GRM8: variants seen among roughly 807,000 people sequenced by gnomAD.
GRM8 encodes glutamate metabotropic receptor 8.
GRM8 carries 47 observed loss-of-function variants against 87.2 expected under a neutral mutation model. The observed-to-expected ratio is 0.54, with a 90% CI of 0.43 to 0.69. The LOEUF (loss-of-function observed/expected upper bound fraction) is 0.69, where lower values mean the gene tolerates loss of function less well. Among genes scored for constraint, GRM8 ranks in the 30% least tolerant of loss-of-function variants. The probability of loss-of-function intolerance (pLI) is 0.00; values close to 1 mark genes in which losing one functional copy is unlikely to be tolerated. For missense variants in GRM8, 1,019 were observed against 1,139.2 expected, an observed-to-expected ratio of 0.89 and a Z score of 1.52; for synonymous variants, 396 against 404.5, an observed-to-expected ratio of 0.98 and a Z score of 0.25.
chr7:126,528,084 G>C (rs1240341124), intron 9 of GRM8, among the ~76,000 whole-genome samples: 1 of 152,098 alleles, frequency 6.6e-6, no homozygotes, highest in Non-Finnish European at 1.5e-5. Context: ...TGTGCCTGTA[G>C]TCCCAGTTAC....
intron 2 of GRM8, among the ~76,000 whole-genome samples, chr7:127,126,891 C>G (rs1174443662): frequency 1.3e-5 from 2 of 151,776 alleles, no homozygotes; most frequent in Non-Finnish European, 2.9e-5. Context: ...CATAACAATA[C>G]AAACAGTCCA....
intron 2 of GRM8, among the ~76,000 whole-genome samples, chr7:127,110,800 C>A (rs1826277418): frequency 1.3e-5 from 2 of 152,198 alleles, no homozygotes; most frequent in Admixed American, 6.5e-5. Flanking sequence ...CCTTTACTGA[C>A]TTTCCCCAAC....
At chr7:126,487,380 T>A (rs970370848) in intron 9 of GRM8, among the ~76,000 whole-genome samples, 1 of 151,996 alleles carries the variant, frequency 6.6e-6, no homozygotes, top group African/African-American at 2.4e-5. Context: ...GTCCCTGTTC[T>A]CAACCTCCCA....
intron 8 of GRM8, among the ~76,000 whole-genome samples, chr7:126,552,859 T>G (rs911675508): frequency 6.6e-6 from 1 of 152,156 alleles, no homozygotes; most frequent in Admixed American, 6.5e-5. Context: ...TAAATAAACA[T>G]TAGGTTTTCA....
At chr7:126,901,970 G>T (rs1802123386) in intron 6 of GRM8, among the ~76,000 whole-genome samples, 3 of 151,048 alleles carry the variant, frequency 2.0e-5, no homozygotes, top group African/African-American at 7.3e-5. Context: ...TTTTCTATGT[G>T]CACAATCATC....
intron 3 of GRM8, among the ~76,000 whole-genome samples, chr7:127,032,355 C>A (rs1264055521): frequency 6.6e-6 from 1 of 152,106 alleles, no homozygotes; most frequent in Non-Finnish European, 1.5e-5. Flanking sequence ...GACACTGTCA[C>A]ATTCAACTCA....
chr7:127,214,312 T>C (rs1302621500), intron 2 of GRM8, among the ~76,000 whole-genome samples: 1 of 152,218 alleles, frequency 6.6e-6, no homozygotes, highest in Non-Finnish European at 1.5e-5. Context: ...TGAATACTGG[T>C]TACATAGTAC....
chr7:126,641,343 A>G (rs1028576126), intron 7 of GRM8, among the ~76,000 whole-genome samples: 4 of 152,230 alleles, frequency 2.6e-5, no homozygotes, highest in Non-Finnish European at 5.9e-5. Flanking sequence ...CTCTAGAATA[A>G]CACATACTTT....
intron 7 of GRM8, among the ~76,000 whole-genome samples, chr7:126,618,701 C>G (rs4543482): frequency 0.31 from 46,813 of 151,990 alleles, 8,076 homozygotes; most frequent in East Asian, 0.43. Flanking sequence ...ACCCCATCAA[C>G]AAGTGCGCAA....
chr7:126,723,797 A>T (rs1194421202), intron 7 of GRM8, among the ~76,000 whole-genome samples: 1 of 152,174 alleles, frequency 6.6e-6, no homozygotes, highest in Non-Finnish European at 1.5e-5. Context: ...CCTAACATCT[A>T]CTTAAGTTCG....
At chr7:126,834,141 A>G (rs950354704) in intron 6 of GRM8, among the ~76,000 whole-genome samples, 2 of 152,230 alleles carry the variant, frequency 1.3e-5, no homozygotes, top group African/African-American at 4.8e-5. Context: ...AAATGGTGCT[A>G]GGTAATATAG....
intron 3 of GRM8, among the ~76,000 whole-genome samples, chr7:126,961,810 C>T (rs891735204): frequency 6.6e-6 from 1 of 152,230 alleles, no homozygotes; most frequent in Non-Finnish European, 1.5e-5. Flanking sequence ...ATCTGATAGT[C>T]AGGCAAAGCT....
At chr7:126,912,651 T>TTCAGAGCTGAAGGCTGTCTGCC (rs1236501972) in intron 3 of GRM8, among the ~76,000 whole-genome samples, 1 of 152,142 alleles carries the variant, frequency 6.6e-6, no homozygotes, top group Non-Finnish European at 1.5e-5. Context: ...CCTCACAGGG[T>TTCAGAGCTGAAGGCTGTCTGCC]TCAGAGCTGA....
At chr7:126,912,269 A>G (rs993077967) in intron 3 of GRM8, among the ~76,000 whole-genome samples, 2 of 152,196 alleles carry the variant, frequency 1.3e-5, no homozygotes, top group African/African-American at 4.8e-5. Context: ...AGTGGACTGA[A>G]TAAAGCAGAT....
At chr7:127,010,326 C>T (rs1417905325) in intron 3 of GRM8, among the ~76,000 whole-genome samples, 1 of 152,002 alleles carries the variant, frequency 6.6e-6, no homozygotes, top group Middle Eastern at 3.2e-3. Context: ...GTTTTCTGTT[C>T]ACGGTACTAA....
At chr7:126,550,341 T>C (rs974575875) in intron 8 of GRM8, among the ~76,000 whole-genome samples, 3 of 151,992 alleles carry the variant, frequency 2.0e-5, no homozygotes, top group African/African-American at 7.2e-5. Context: ...CTCAATCTCT[T>C]GACCTCATGA....
intron 3 of GRM8, among the ~76,000 whole-genome samples, chr7:126,944,727 T>C (rs778670448): frequency 6.6e-6 from 1 of 152,064 alleles, no homozygotes; most frequent in Non-Finnish European, 1.5e-5. Flanking sequence ...TGAATGTAGG[T>C]AAGACACAGA....
intron 2 of GRM8, among the ~76,000 whole-genome samples, chr7:127,171,970 A>G (rs1793828127): frequency 6.6e-6 from 1 of 152,152 alleles, no homozygotes. Flanking sequence ...ATGATACTCC[A>G]TATTCTGACA....
In GRM8 at chr7:126,446,245, T is replaced by C. The variant is rs745626103; in HGVS notation, c.2558A>G (p.Lys853Arg). The stretch of plus-strand genomic sequence containing the variant: ...TGTCACCACAGCCTTGAAGCTCCTC[T>C]TGCGTTTTTGAACATTCTGTTCTGG... Reference protein sequence around the residue: ...FHPEQNVQKRKRSFKAVVTAA... With the variant: ...FHPEQNVQKRRRSFKAVVTAA... The change falls in exon 10 of 11, where the codon AAG (lysine) becomes AGG (arginine). Residue 853 changes from lysine to arginine, a missense_variant. Coordinates refer to ENST00000339582, the MANE Select transcript of GRM8 (RefSeq NM_000845.3). The C allele has an allele frequency of 5.6e-6, 9 of 1,612,952 alleles. No homozygotes were observed. In the Admixed American group the frequency reaches 1.5e-4, roughly 27 times the overall value.
Sources: allele counts gnomAD v4.1 joint callset (sites outside exome capture counted in the v4.1 genomes callset), GRCh38; gene constraint gnomAD v4.1.1; transcripts MANE v1.5; gene names NCBI Gene and HGNC (gene_info 2026-07-23, HGNC 2026-07-21).